The following PEPD variants were observed in gnomAD, a reference collection of about 807,000 sequenced individuals.
The protein encoded by PEPD is xaa-Pro dipeptidase.
Under a neutral mutation model 60.7 loss-of-function variants are expected in PEPD, and 53 were observed. That is an observed-to-expected ratio of 0.87 (90% confidence interval 0.70 to 1.10). The LOEUF is 1.10. PEPD is among the 50% of genes least tolerant of loss of function. PEPD has a pLI of 0.00. For missense variants in PEPD, 711 were observed against 711.9 expected (o/e 1.00, Z 0.01); for synonymous variants, 267 against 284.1 (o/e 0.94, Z 0.60).
intron 9 of PEPD, among the ~76,000 whole-genome samples, chr19:33,450,190 C>G (rs148779566): frequency 1.3e-5 from 2 of 152,204 alleles, no homozygotes; most frequent in Admixed American, 1.3e-4. Flanking sequence ...CCCTCCAGAC[C>G]CCCCGTGCTG....
intron 9 of PEPD, among the ~76,000 whole-genome samples, chr19:33,422,459 CATCT>C (rs144149183): frequency 0.14 from 21,432 of 151,254 alleles, 1,943 homozygotes; most frequent in African/African-American, 0.26. Flanking sequence ...TCTACCCATC[CATCT>C]ATCACTCTAT....
intron 7 of PEPD, among the ~76,000 whole-genome samples, chr19:33,472,862 C>A (rs1342990996): frequency 6.6e-6 from 1 of 152,168 alleles, no homozygotes; most frequent in African/African-American, 2.4e-5. Flanking sequence ...ACTGAACCCG[C>A]AACAACTATC....
intron 4 of PEPD, among the ~76,000 whole-genome samples, chr19:33,495,718 C>T (rs920099356): frequency 2.6e-5 from 4 of 151,900 alleles, no homozygotes; most frequent in African/African-American, 9.7e-5. Flanking sequence ...GGTGTGGTGG[C>T]TCATGCCTGT....
chr19:33,459,453 C>T (rs1358348844), intron 9 of PEPD, among the ~76,000 whole-genome samples: 1 of 152,174 alleles, frequency 6.6e-6, no homozygotes, highest in Non-Finnish European at 1.5e-5. Context: ...CAGCTGGCTA[C>T]AAGCTGGGTA....
At chr19:33,520,351 A>G (rs1416070566) in intron 1 of PEPD, among the ~76,000 whole-genome samples, 1 of 152,190 alleles carries the variant, frequency 6.6e-6, no homozygotes, top group Middle Eastern at 3.2e-3. Context: ...CTTGACACCC[A>G]TCTGAGACTT....
At chr19:33,512,875 G>T in intron 1 of PEPD, 99 bp from the exon 2 acceptor site, 1 of 1,359,820 alleles carries the variant, frequency 7.4e-7, no homozygotes, top group Non-Finnish European at 1.0e-6. Flanking sequence ...CGAGCCTGCC[G>T]TGGGACCCCC....
chr19:33,413,955 T>C (rs7251549), intron 9 of PEPD, among the ~76,000 whole-genome samples: 9,833 of 152,272 alleles, frequency 0.065, 1,085 homozygotes, highest in African/African-American at 0.22. Flanking sequence ...TCAGGACAGA[T>C]GGGACTCCTG....
chr19:33,402,333 C>T (rs919413944), intron 11 of PEPD, among the ~76,000 whole-genome samples: 3 of 152,224 alleles, frequency 2.0e-5, no homozygotes, highest in Admixed American at 6.5e-5. Context: ...AGGCTGAGGC[C>T]GTGCTTGTGG....
intron 7 of PEPD, among the ~76,000 whole-genome samples, chr19:33,477,738 C>T (rs527849864): frequency 1.1e-4 from 16 of 152,310 alleles, no homozygotes; most frequent in African/African-American, 3.6e-4. Flanking sequence ...TTTATTTCTG[C>T]CCTTTTCACC....
intron 11 of PEPD, among the ~76,000 whole-genome samples, chr19:33,403,836 TG>T (rs932829441): frequency 1.3e-5 from 2 of 152,104 alleles, no homozygotes; most frequent in Non-Finnish European, 2.9e-5. Context: ...ACTCTCAGGC[TG>T]GGGGGAGGAG....
rs1240349097 is a variant in PEPD at position 33,521,736 on chromosome 19, G to A, written c.17+8C>T. ...AGCGGGAAAGAGCGAGGGAGGCGCA[G>A]CACTCACCCGGTGGCCGCCGCCATG... On this transcript the variant is annotated splice_region_variant and intron_variant, in intron 1 of 14. Transcript: ENST00000244137. 2 of 1,579,814 alleles carry A rather than the reference G, an allele frequency of 1.3e-6. No individual in the cohort carries two copies. The highest frequency in any genetic ancestry group is 1.7e-6 in the Non-Finnish European group (2 of 1,168,236).
intron 6 of PEPD, among the ~76,000 whole-genome samples, chr19:33,481,012 C>A (rs1330583925): frequency 2.0e-5 from 3 of 151,630 alleles, no homozygotes; most frequent in African/African-American, 4.8e-5. Flanking sequence ...CCTCTGACCA[C>A]AATGGAATGA....
chr19:33,401,907 G>A (rs1442423233), intron 11 of PEPD, 38 bp from the exon 12 acceptor site: 1 of 1,606,900 alleles, frequency 6.2e-7, no homozygotes. Context: ...GGGTACTGGG[G>A]TGCCACCGCC....
At chr19:33,437,620 G>A (rs887067708) in intron 9 of PEPD, among the ~76,000 whole-genome samples, 1 of 152,164 alleles carries the variant, frequency 6.6e-6, no homozygotes, top group Non-Finnish European at 1.5e-5. Context: ...TGTCACAATC[G>A]TTTAGATCAT....
In PEPD at chr19:33,393,192, C is replaced by T. The variant is rs1354366838; in HGVS notation, c.968-1713G>A. The stretch of plus-strand genomic sequence containing the variant: ...GTCTGGGGTCTGGCGTGGGGGAGGC[C>T]GTCCCGGGGTCTGGGGTCTGGCGTC... On this transcript the variant is annotated intron_variant, in intron 12 of 14. Coordinates refer to ENST00000244137, the MANE Select transcript of PEPD (RefSeq NM_000285.4). Among the ~76,000 whole-genome samples the T allele has an allele frequency of 4.7e-5, 7 of 148,164 alleles. No individual in the cohort carries two copies. In the East Asian group the frequency reaches 1.2e-3, roughly 25 times the overall value.
intron 9 of PEPD, among the ~76,000 whole-genome samples, chr19:33,461,080 G>C (rs550441635): frequency 6.6e-6 from 1 of 152,300 alleles, no homozygotes; most frequent in South Asian, 2.1e-4. Flanking sequence ...AAGGAGTTAC[G>C]GTTCGTTTGT....
At chr19:33,511,582 C>T (rs1970927842) in intron 2 of PEPD, 2 of 298,440 alleles carry the variant, frequency 6.7e-6, no homozygotes, top group Non-Finnish European at 1.3e-5. Flanking sequence ...TCTTACTTCC[C>T]TCTCCCACCC....
At chr19:33,485,195 A>G (rs925921831) in intron 6 of PEPD, among the ~76,000 whole-genome samples, 1 of 151,988 alleles carries the variant, frequency 6.6e-6, no homozygotes, top group African/African-American at 2.4e-5. Context: ...ATGGGTCACA[A>G]TTAGAAAGCC....
chr19:33,421,526 T>G (rs1329502069), intron 9 of PEPD, among the ~76,000 whole-genome samples: 1 of 152,232 alleles, frequency 6.6e-6, no homozygotes, highest in Non-Finnish European at 1.5e-5. Context: ...GGTTTCACTC[T>G]GTTGCTCAGG....
Sources: allele counts gnomAD v4.1 joint callset (sites outside exome capture counted in the v4.1 genomes callset), GRCh38; gene constraint gnomAD v4.1.1; transcripts MANE v1.5; gene names NCBI Gene and HGNC (gene_info 2026-07-23, HGNC 2026-07-21).